PRKG1: variants seen among roughly 807,000 people sequenced by gnomAD.
PRKG1 encodes cGMP-dependent protein kinase 1.
A neutral mutation model predicts 88.1 loss-of-function variants in PRKG1; 35 were observed. The observed-to-expected ratio is 0.40, with a 90% CI of 0.30 to 0.53. PRKG1 has a LOEUF of 0.53. Ranked by LOEUF, PRKG1 falls within the 20% of genes least tolerant of loss-of-function variation. The pLI is 0.59. For synonymous variants in PRKG1, 303 were observed against 292.5 expected, an observed-to-expected ratio of 1.04 and a Z score of -0.37; for missense variants, 540 against 839.8, an observed-to-expected ratio of 0.64 and a Z score of 4.41.
chr10:51,533,763 A>C (rs191608028), intron 3 of PRKG1, among the ~76,000 whole-genome samples: 129 of 152,294 alleles, frequency 8.5e-4, no homozygotes, highest in Admixed American at 2.0e-3. Flanking sequence ...ATTTACTTTT[A>C]ATTGGAACTT....
chr10:51,538,290 T>C (rs540090041), intron 3 of PRKG1, among the ~76,000 whole-genome samples: 3 of 110,232 alleles, frequency 2.7e-5, no homozygotes, highest in African/African-American at 9.4e-5. Flanking sequence ...TATTTGCAGC[T>C]TATGTAATGC....
intron 2 of PRKG1, among the ~76,000 whole-genome samples, chr10:51,219,216 CTT>C (rs1838457731): frequency 1.3e-5 from 2 of 152,214 alleles, no homozygotes; most frequent in Admixed American, 1.3e-4. Flanking sequence ...CCGAACATAA[CTT>C]ATGTTTTTCA....
At chr10:52,044,082 T>C (rs558172791) in intron 5 of PRKG1, among the ~76,000 whole-genome samples, 4 of 152,090 alleles carry the variant, frequency 2.6e-5, no homozygotes, top group Non-Finnish European at 4.4e-5. Context: ...TAAAAGATAA[T>C]GATGTGCTCT....
Position 51,342,741 on chromosome 10 carries a change from A to C in PRKG1, c.479-124982A>C, listed in dbSNP as rs190582209. Reference sequence around the variant, plus strand: ...CCATTACAGGTAATACAATCAGAGAATCATAATAGCCCGTATATCCAAAAA... The same window carrying C: ...CCATTACAGGTAATACAATCAGAGACTCATAATAGCCCGTATATCCAAAAA... On this transcript the variant is annotated intron_variant, in intron 2 of 17. Coordinates refer to ENST00000373980, the MANE Select transcript of PRKG1 (RefSeq NM_006258.4). 3.2e-4 allele frequency among the ~76,000 whole-genome samples: 48 copies of C among 152,350 alleles called. 1 individual carries two copies. Among genetic ancestry groups the C allele is most frequent in the African/African-American group, 9.6e-4 (40 of 41,590 alleles).
chr10:51,009,918 A>T (rs1373641597), intron 1 of PRKG1, among the ~76,000 whole-genome samples: 1 of 152,204 alleles, frequency 6.6e-6, no homozygotes, highest in Non-Finnish European at 1.5e-5. Context: ...CTTTGCTTTG[A>T]TTCTCATACG....
At chr10:52,171,786 ATTTTTTTT>A (rs545195374) in intron 9 of PRKG1, among the ~76,000 whole-genome samples, 8 of 93,858 alleles carry the variant, frequency 8.5e-5, no homozygotes, top group African/African-American at 2.6e-4. Flanking sequence ...TTTTATCAAA[ATTTTTTTT>A]TTTTTTTTTT....
At chr10:51,260,607 C>T (rs1443242246) in intron 2 of PRKG1, among the ~76,000 whole-genome samples, 1 of 152,110 alleles carries the variant, frequency 6.6e-6, no homozygotes, top group Non-Finnish European at 1.5e-5. Flanking sequence ...ATGCAGATTG[C>T]TCCAATTTCC....
intron 4 of PRKG1, among the ~76,000 whole-genome samples, chr10:51,865,001 T>C (rs572328643): frequency 6.6e-6 from 1 of 152,256 alleles, no homozygotes; most frequent in African/African-American, 2.4e-5. Flanking sequence ...GGAATATAAA[T>C]GAAAGTTGAA....
At chr10:51,866,136 G>T (rs193035727) in intron 4 of PRKG1, among the ~76,000 whole-genome samples, 1 of 151,716 alleles carries the variant, frequency 6.6e-6, no homozygotes, top group East Asian at 1.9e-4. Context: ...AAACATCATC[G>T]CTTATTTTTG....
At chr10:52,032,287 C>T (rs992257525) in intron 5 of PRKG1, among the ~76,000 whole-genome samples, 2 of 152,196 alleles carry the variant, frequency 1.3e-5, no homozygotes, top group African/African-American at 4.8e-5. Flanking sequence ...GAAAATCAAA[C>T]TGTGAGCATA....
intron 8 of PRKG1, among the ~76,000 whole-genome samples, chr10:52,154,642 C>G (rs1838038822): frequency 6.6e-6 from 1 of 152,068 alleles, no homozygotes; most frequent in Non-Finnish European, 1.5e-5. Flanking sequence ...TATTAAGATG[C>G]ATATATTCCT....
At chr10:51,346,671 C>A (rs148675285) in intron 2 of PRKG1, among the ~76,000 whole-genome samples, 454 of 152,270 alleles carry the variant, frequency 3.0e-3, no homozygotes, top group Non-Finnish European at 5.6e-3. Context: ...TACAAAAAAG[C>A]AATCACTTTT....
intron 3 of PRKG1, among the ~76,000 whole-genome samples, chr10:51,621,009 G>GTATA (rs55657310): frequency 6.3e-4 from 77 of 121,912 alleles, no homozygotes; most frequent in African/African-American, 1.5e-3. Context: ...GTATATGTGT[G>GTATA]TATATATATA....
intron 3 of PRKG1, among the ~76,000 whole-genome samples, chr10:51,492,740 T>C (rs554973808): frequency 6.6e-6 from 1 of 152,140 alleles, no homozygotes; most frequent in Admixed American, 6.6e-5. Context: ...AATGGTTTTC[T>C]TGAGACACTT....
chr10:51,044,443 A>C (rs1464991808), intron 1 of PRKG1, among the ~76,000 whole-genome samples: 1 of 152,208 alleles, frequency 6.6e-6, no homozygotes, highest in Non-Finnish European at 1.5e-5. Flanking sequence ...GCACTGAAGC[A>C]ACTCATGCAC....
At chr10:51,895,480 G>A (rs143381236) in intron 4 of PRKG1, among the ~76,000 whole-genome samples, 1 of 152,092 alleles carries the variant, frequency 6.6e-6, no homozygotes, top group African/African-American at 2.4e-5. Flanking sequence ...CTGTCATTTT[G>A]CCCAACCCAT....
intron 1 of PRKG1, among the ~76,000 whole-genome samples, chr10:51,017,439 T>G (rs1242160992): frequency 2.0e-5 from 3 of 152,218 alleles, no homozygotes; most frequent in Non-Finnish European, 1.5e-5. Flanking sequence ...ATGAGAAAGT[T>G]AAATAATTAA....
At chr10:51,416,005 T>A (rs897581784) in intron 2 of PRKG1, among the ~76,000 whole-genome samples, 16 of 152,104 alleles carry the variant, frequency 1.1e-4, no homozygotes, top group Non-Finnish European at 8.8e-5. Context: ...GATTTCGTTG[T>A]CCTCAGAATT....
At chr10:51,296,932 C>G (rs1564434643) in intron 2 of PRKG1, among the ~76,000 whole-genome samples, 1 of 151,990 alleles carries the variant, frequency 6.6e-6, no homozygotes, top group Non-Finnish European at 1.5e-5. Flanking sequence ...TATTTAAGAT[C>G]TCTTAACTTG....
Sources: gnomAD v4.1 joint callset for allele counts (sites outside exome capture counted in the v4.1 genomes callset) on GRCh38, gnomAD v4.1.1 for gene constraint, MANE v1.5 for transcripts, NCBI Gene and HGNC (gene_info 2026-07-23, HGNC 2026-07-21) for gene names.